The following SLC8A1 variants were observed in gnomAD, a reference collection of about 807,000 sequenced individuals.
The protein encoded by SLC8A1 is sodium/calcium exchanger 1.
SLC8A1 carries 18 observed loss-of-function variants against 68.3 expected under a neutral mutation model. The observed-to-expected ratio is 0.26, with a 90% CI of 0.18 to 0.39. The LOEUF is 0.39. Ranked by LOEUF, SLC8A1 falls within the 10% of genes least tolerant of loss-of-function variation. SLC8A1 has a pLI of 1.00. For missense variants in SLC8A1, 985 were observed against 1,156.7 expected, an observed-to-expected ratio of 0.85 and a Z score of 2.15; for synonymous variants, 475 against 415.5, an observed-to-expected ratio of 1.14 and a Z score of -1.74.
At chr2:40,332,416 G>C (rs1044403584) in intron 2 of SLC8A1, among the ~76,000 whole-genome samples, 3 of 142,712 alleles carry the variant, frequency 2.1e-5, no homozygotes, top group Admixed American at 1.4e-4. Flanking sequence ...TCTGCAACAT[G>C]TGTGTGGGGG....
intron 2 of SLC8A1, among the ~76,000 whole-genome samples, chr2:40,346,729 G>C (rs1480839501): frequency 6.6e-6 from 1 of 152,042 alleles, no homozygotes; most frequent in Non-Finnish European, 1.5e-5. Context: ...AAATTGTTTT[G>C]TCTGCATCCT....
At chr2:40,399,431 C>T (rs977623218) in intron 2 of SLC8A1, among the ~76,000 whole-genome samples, 1 of 152,122 alleles carries the variant, frequency 6.6e-6, no homozygotes, top group Non-Finnish European at 1.5e-5. Context: ...AACCTTGCTG[C>T]AGCTTAGGCT....
At chr2:40,290,953 T>C (rs1045390414) in intron 2 of SLC8A1, among the ~76,000 whole-genome samples, 2 of 152,192 alleles carry the variant, frequency 1.3e-5, no homozygotes, top group Non-Finnish European at 2.9e-5. Flanking sequence ...TTTATGCCTA[T>C]GACAGAAAAG....
intron 1 of SLC8A1, among the ~76,000 whole-genome samples, chr2:40,495,434 T>C (rs951332487): frequency 6.6e-6 from 1 of 152,046 alleles, no homozygotes; most frequent in East Asian, 1.9e-4. Flanking sequence ...TCTTAGAGTG[T>C]TTTTTTCTTC....
chr2:40,139,896 A>G (rs2041235649), intron 6 of SLC8A1, among the ~76,000 whole-genome samples: 1 of 152,186 alleles, frequency 6.6e-6, no homozygotes, highest in Non-Finnish European at 1.5e-5. Flanking sequence ...GTCAATGGCA[A>G]AAACTTAACC....
At chr2:40,248,492 C>G (rs921493942) in intron 2 of SLC8A1, among the ~76,000 whole-genome samples, 1 of 152,116 alleles carries the variant, frequency 6.6e-6, no homozygotes, top group Non-Finnish European at 1.5e-5. Flanking sequence ...TGTACTTCAC[C>G]AGACACTGAC....
chr2:40,193,401 G>A (rs1478752433), intron 2 of SLC8A1, among the ~76,000 whole-genome samples: 1 of 152,098 alleles, frequency 6.6e-6, no homozygotes, highest in Non-Finnish European at 1.5e-5. Context: ...TTAGAGAAGG[G>A]ATAGGCATGT....
chr2:40,256,486 G>A (rs776729043), intron 2 of SLC8A1, among the ~76,000 whole-genome samples: 2 of 152,134 alleles, frequency 1.3e-5, no homozygotes, highest in Non-Finnish European at 2.9e-5. Context: ...CTTTTCAAAG[G>A]GTGCATAATG....
chr2:40,202,778 T>C (rs2054634621), intron 2 of SLC8A1, among the ~76,000 whole-genome samples: 1 of 152,018 alleles, frequency 6.6e-6, no homozygotes, highest in Non-Finnish European at 1.5e-5. Context: ...CAATATGTCA[T>C]TTAATTTAAA....
At chr2:40,175,387 G>T in intron 3 of SLC8A1, 106 bp from the exon 4 acceptor site, 2 of 1,112,700 alleles carry the variant, frequency 1.8e-6, no homozygotes, top group Non-Finnish European at 2.7e-6. Flanking sequence ...TGATTACAGT[G>T]GTAGGGAGCC....
At chr2:40,405,192 A>T (rs1317179160) in intron 2 of SLC8A1, among the ~76,000 whole-genome samples, 1 of 152,232 alleles carries the variant, frequency 6.6e-6, no homozygotes, top group Non-Finnish European at 1.5e-5. Context: ...ATTACTGGAC[A>T]GAGTGCCAAA....
intron 2 of SLC8A1, among the ~76,000 whole-genome samples, chr2:40,310,819 A>G (rs569654734): frequency 6.6e-6 from 1 of 152,196 alleles, no homozygotes; most frequent in South Asian, 2.1e-4. Context: ...ATCTGGTCAT[A>G]TGTTAGTGCC....
At chr2:40,183,191 C>A (rs115323444) in intron 2 of SLC8A1, among the ~76,000 whole-genome samples, 1,605 of 152,276 alleles carry the variant, frequency 0.011, 32 homozygotes, top group African/African-American at 0.036. Context: ...AAGTGAGTCT[C>A]CTGTGACTGG....
Position 40,403,328 on chromosome 2 carries a change from G to A in SLC8A1, c.1808+25145C>T, listed in dbSNP as rs571038812. Reference sequence around the variant, plus strand: ...AATTACTTAAGGAGGAAATGCTCTCGTTTCATGGTTAGCAGGTTATCAATG... The same window carrying A: ...AATTACTTAAGGAGGAAATGCTCTCATTTCATGGTTAGCAGGTTATCAATG... On this transcript the variant is annotated intron_variant, in intron 2 of 7. Coordinates refer to ENST00000406785, the Ensembl canonical transcript of SLC8A1. 4.6e-5 allele frequency among the ~76,000 whole-genome samples: 7 copies of A among 152,274 alleles called. 1 individual carries two copies. In the South Asian group the frequency reaches 8.3e-4, roughly 18 times the overall value.
intron 2 of SLC8A1, among the ~76,000 whole-genome samples, chr2:40,387,021 T>C (rs1005457427): frequency 6.6e-6 from 1 of 151,294 alleles, no homozygotes; most frequent in Admixed American, 6.6e-5. Context: ...ATCCTAAAAT[T>C]CACAGAGATC....
chr2:40,097,723 T>C (rs1376884047), exon 8 of SLC8A1: 1 of 151,970 alleles, frequency 6.6e-6, no homozygotes, highest in Non-Finnish European at 1.5e-5. Context: ...CTGGTAAAAA[T>C]AAAACTCTGA....
chr2:40,144,950 TA>T (rs2042181234), intron 6 of SLC8A1, among the ~76,000 whole-genome samples: 1 of 152,150 alleles, frequency 6.6e-6, no homozygotes, highest in Non-Finnish European at 1.5e-5. Flanking sequence ...TCTACTTATT[TA>T]ACAAACATTT....
At chr2:40,444,046 C>T (rs890700913) in intron 1 of SLC8A1, among the ~76,000 whole-genome samples, 7 of 152,116 alleles carry the variant, frequency 4.6e-5, no homozygotes, top group African/African-American at 1.4e-4. Context: ...GGCCCTTAAA[C>T]GTCATCTAGG....
At chr2:40,325,623 G>A (rs1031938510) in intron 2 of SLC8A1, among the ~76,000 whole-genome samples, 2 of 151,622 alleles carry the variant, frequency 1.3e-5, no homozygotes, top group Non-Finnish European at 2.9e-5. Flanking sequence ...AATATAATAG[G>A]TGTTTGATTT....
Sources: allele counts gnomAD v4.1 joint callset (sites outside exome capture counted in the v4.1 genomes callset), GRCh38; gene constraint gnomAD v4.1.1; transcripts MANE v1.5; gene names NCBI Gene and HGNC (gene_info 2026-07-23, HGNC 2026-07-21).